The following PCDHA1 variants were observed in gnomAD, a reference collection of about 807,000 sequenced individuals.
The protein encoded by PCDHA1 is protocadherin alpha-1.
In PCDHA1, 42 loss-of-function variants were observed where a neutral mutation model predicts 61.3. That is an observed-to-expected ratio of 0.69 (90% CI 0.54 to 0.89). The LOEUF is 0.89. Ranked by LOEUF, PCDHA1 falls within the 40% of genes least tolerant of loss-of-function variation. The pLI is 0.00. For missense variants in PCDHA1, 1,256 were observed against 1,235.3 expected, an observed-to-expected ratio of 1.02 and a Z score of -0.25; for synonymous variants, 610 against 553.8, an observed-to-expected ratio of 1.10 and a Z score of -1.43.
intron 1 of PCDHA1, chr5:140,928,636 A>G: frequency 6.2e-7 from 1 of 1,614,206 alleles, no homozygotes; most frequent in Non-Finnish European, 8.5e-7. Context: ...CTTGGTCACA[A>G]AAGTGGTAGC....
intron 1 of PCDHA1, chr5:140,857,582 G>T: frequency 6.3e-7 from 1 of 1,596,726 alleles, no homozygotes; most frequent in Non-Finnish European, 8.6e-7. Flanking sequence ...GGTGCACGCG[G>T]AGAGCGGCAA....
chr5:140,817,546 C>T (rs1334430730), intron 1 of PCDHA1: 1 of 152,194 alleles, frequency 6.6e-6, no homozygotes, highest in East Asian at 1.9e-4. Context: ...TTATAACACA[C>T]ATCCTTGACT....
At chr5:140,967,910 A>G (rs2096197842) in intron 1 of PCDHA1, 1 of 1,613,996 alleles carries the variant, frequency 6.2e-7, no homozygotes, top group Non-Finnish European at 8.5e-7. Flanking sequence ...TACACCCAAC[A>G]CCATTGTGGC....
chr5:140,869,663 A>G (rs782419090), intron 1 of PCDHA1: 5 of 1,613,538 alleles, frequency 3.1e-6, no homozygotes, highest in Non-Finnish European at 4.2e-6. Flanking sequence ...ACAAATGGTA[A>G]GCAGATTAAA....
chr5:140,941,876 C>T (rs1293978062), intron 1 of PCDHA1, among the ~76,000 whole-genome samples: 1 of 152,166 alleles, frequency 6.6e-6, no homozygotes, highest in Non-Finnish European at 1.5e-5. Flanking sequence ...GTTCTATCAC[C>T]AGTGACTAGC....
At chr5:140,934,511 T>C (rs999288213) in intron 1 of PCDHA1, among the ~76,000 whole-genome samples, 1 of 152,210 alleles carries the variant, frequency 6.6e-6, no homozygotes, top group East Asian at 1.9e-4. Context: ...AAAGGGTCCA[T>C]AGACCACACT....
At chr5:140,810,993 T>A (rs1022983940) in intron 1 of PCDHA1, 1 of 152,154 alleles carries the variant, frequency 6.6e-6, no homozygotes, top group Non-Finnish European at 1.5e-5. Context: ...GGGTCAAGAT[T>A]TATTTTTATT....
chr5:140,884,568 C>T (rs2060268107), intron 1 of PCDHA1: 2 of 1,614,210 alleles, frequency 1.2e-6, no homozygotes, highest in Non-Finnish European at 1.7e-6. Flanking sequence ...CCGCATAAGA[C>T]GGACCTCATG....
chr5:140,944,838 A>C (rs996510272), intron 1 of PCDHA1, among the ~76,000 whole-genome samples: 13 of 152,212 alleles, frequency 8.5e-5, no homozygotes, highest in Non-Finnish European at 1.6e-4. Flanking sequence ...TTGTAAAATG[A>C]GATATTAGAA....
chr5:140,821,600 G>C, intron 1 of PCDHA1: 1 of 730,846 alleles, frequency 1.4e-6, no homozygotes, highest in Non-Finnish European at 2.1e-6. Context: ...AGCCTCAAAG[G>C]AATACAGTGA....
chr5:140,809,337 T>C (rs576165362), intron 1 of PCDHA1: 4 of 1,614,072 alleles, frequency 2.5e-6, no homozygotes, highest in Non-Finnish European at 3.4e-6. Flanking sequence ...ACGCTGCTGC[T>C]GTACACCGCG....
intron 1 of PCDHA1, chr5:140,843,458 C>T: frequency 6.3e-7 from 1 of 1,596,092 alleles, no homozygotes; most frequent in Non-Finnish European, 8.6e-7. Flanking sequence ...CCTGCTGGTG[C>T]TCACGCTGCT....
At chr5:140,803,710 T>C (rs1312933192) in intron 1 of PCDHA1, 1 of 1,515,562 alleles carries the variant, frequency 6.6e-7, no homozygotes, top group East Asian at 2.3e-5. Context: ...AATTAGACTT[T>C]TCCAGTTTTG....
intron 1 of PCDHA1, chr5:140,877,683 C>T: frequency 6.2e-7 from 1 of 1,613,716 alleles, no homozygotes. Flanking sequence ...CGGGCAAGCC[C>T]ACGCTGGTGT....
At position 141,010,952 on chromosome 5, in the gene PCDHA1, T is replaced by C. The variant is rs1217882818; in HGVS notation, c.*1015T>C. On this transcript the variant is annotated 3_prime_UTR_variant, in exon 4 of 4. Coordinates refer to ENST00000504120, the MANE Select transcript of PCDHA1 (RefSeq NM_018900.4). ...AGTCTACAGCCATTTAAATGATCAT[T>C]GCTGCTACAGAAGTGCTTTAAGAGA... 1 of 153,792 alleles carries C rather than the reference T, an allele frequency of 6.5e-6. No individual in the cohort carries two copies. Among genetic ancestry groups the C allele is most frequent in the East Asian group, 1.9e-4 (1 of 5,194 alleles). The allele number at this position is 153,792 out of a possible 1,614,324, so 9.5% of individuals were successfully genotyped here. A position where few individuals can be genotyped will look rare whatever the true frequency, so the allele number is the denominator to read the frequency against.
At chr5:140,821,862 G>C (rs1489076733) in intron 1 of PCDHA1, 4 of 1,614,100 alleles carry the variant, frequency 2.5e-6, no homozygotes, top group Non-Finnish European at 3.4e-6. Context: ...GGAGCGGCCA[G>C]CTCCACTACT....
At chr5:140,822,900 CCGTGA>C in intron 1 of PCDHA1, 1 of 1,614,266 alleles carries the variant, frequency 6.2e-7, no homozygotes. Flanking sequence ...GCGTGTCTGA[CCGTGA>C]CTCAGGTGCC....
At chr5:140,835,806 T>G (rs1271549393) in intron 1 of PCDHA1, 2 of 1,612,866 alleles carry the variant, frequency 1.2e-6, no homozygotes, top group African/African-American at 2.7e-5. Flanking sequence ...CTGCCACATC[T>G]TCACTGTGTC....
Position 140,927,198 on chromosome 5 carries a change from G to T in PCDHA1, c.2395-51751G>T. On this transcript the variant is annotated intron_variant, in intron 1 of 3. Transcript: ENST00000504120. ...TCTTGACCTACGACCTGGTGCTCGA[G>T]GACCCGCTGGAGCTGCACAAGATTC... 3 of 1,614,162 alleles carry T rather than the reference G, an allele frequency of 1.9e-6. No homozygotes were observed. In the South Asian group the frequency reaches 3.3e-5, roughly 18 times the overall value.
Sources: allele counts gnomAD v4.1 joint callset (sites outside exome capture counted in the v4.1 genomes callset), GRCh38; gene constraint gnomAD v4.1.1; transcripts MANE v1.5; gene names NCBI Gene and HGNC (gene_info 2026-07-23, HGNC 2026-07-21).